The following PTPN12 variants were observed in gnomAD, a reference collection of about 807,000 sequenced individuals.
PTPN12 encodes protein tyrosine phosphatase non-receptor type 12.
A neutral mutation model predicts 97.6 loss-of-function variants in PTPN12; 29 were observed. The observed-to-expected ratio is 0.30, with a 90% CI of 0.22 to 0.41. The LOEUF (loss-of-function observed/expected upper bound fraction) is 0.41, where lower values mean the gene tolerates loss of function less well. PTPN12 is among the 10% of genes least tolerant of loss of function. The pLI is 1.00. For synonymous variants in PTPN12, 327 were observed against 300.4 expected, an observed-to-expected ratio of 1.09 and a Z score of -0.91; for missense variants, 819 against 926.0, an observed-to-expected ratio of 0.88 and a Z score of 1.50.
At chr7:77,556,313 T>G (rs892731788) in intron 1 of PTPN12, among the ~76,000 whole-genome samples, 1 of 152,020 alleles carries the variant, frequency 6.6e-6, no homozygotes, top group African/African-American at 2.4e-5. Flanking sequence ...CCTGCCTACC[T>G]CTGCCTCCCA....
At chr7:77,562,958 CAAAAAAAA>C (rs10650218) in intron 1 of PTPN12, among the ~76,000 whole-genome samples, 7 of 133,212 alleles carry the variant, frequency 5.3e-5, no homozygotes, top group African/African-American at 1.9e-4. Flanking sequence ...CTAGGCTATG[CAAAAAAAA>C]AAAAAGAACA....
In PTPN12 at chr7:77,545,960, T is replaced by G. The variant is rs559894060; in HGVS notation, c.99+8315T>G. Among the ~76,000 whole-genome samples the G allele has an allele frequency of 2.0e-5, 3 of 152,308 alleles. No homozygotes were observed. The East Asian group carries it at 5.8e-4, about 29-fold the overall frequency. On this transcript the variant is annotated intron_variant, in intron 1 of 17. Coordinates refer to ENST00000248594, the MANE Select transcript of PTPN12 (RefSeq NM_002835.4). ...TTTATTTTATTTTTTTGAGACAAAG[T>G]CTTGCTTTGTTGCCAGGCTGGAGTG...
intron 5 of PTPN12, 73 bp downstream of exon 5, chr7:77,585,654 T>G (rs1465820278): frequency 5.2e-6 from 7 of 1,352,160 alleles, no homozygotes; most frequent in Non-Finnish European, 7.3e-6. Flanking sequence ...TATTATAGTC[T>G]TAACATAAGC....
intron 8 of PTPN12, among the ~76,000 whole-genome samples, chr7:77,601,321 G>C (rs1236933712): frequency 6.6e-6 from 1 of 152,050 alleles, no homozygotes; most frequent in Non-Finnish European, 1.5e-5. Context: ...TTCCCAAGTA[G>C]CTAGGACTAC....
At chr7:77,568,160 A>T (rs1808334488) in intron 1 of PTPN12, among the ~76,000 whole-genome samples, 1 of 152,242 alleles carries the variant, frequency 6.6e-6, no homozygotes, top group Non-Finnish European at 1.5e-5. Flanking sequence ...TATAGAAAGC[A>T]TTTTAAGAAA....
intron 7 of PTPN12, among the ~76,000 whole-genome samples, 183 bp downstream of exon 7, chr7:77,598,084 G>T (rs151087828): frequency 2.8e-4 from 43 of 152,168 alleles, no homozygotes; most frequent in African/African-American, 9.6e-4. Flanking sequence ...AAAGTTAGCC[G>T]GGCATGGTGG....
intron 12 of PTPN12, among the ~76,000 whole-genome samples, chr7:77,625,052 T>C (rs913859153): frequency 4.6e-5 from 7 of 152,056 alleles, no homozygotes; most frequent in African/African-American, 1.7e-4. Context: ...CAAGAATTGC[T>C]GGAACCCAGG....
At chr7:77,634,127 T>C (rs1026518354) in intron 14 of PTPN12, among the ~76,000 whole-genome samples, 2 of 151,928 alleles carry the variant, frequency 1.3e-5, no homozygotes, top group Admixed American at 1.3e-4. Context: ...TTGATCCCTG[T>C]AGTTGGAGGC....
At chr7:77,566,393 G>A (rs1282004322) in intron 1 of PTPN12, among the ~76,000 whole-genome samples, 1 of 152,168 alleles carries the variant, frequency 6.6e-6, no homozygotes, top group Non-Finnish European at 1.5e-5. Flanking sequence ...AAGGAGTGCA[G>A]TTATTTTTGG....
chr7:77,593,269 CA>C (rs34709584), intron 6 of PTPN12, among the ~76,000 whole-genome samples: 41,300 of 141,102 alleles, frequency 0.29, 5,657 homozygotes, highest in Middle Eastern at 0.34. Flanking sequence ...AACTCCATCT[CA>C]AAAAAAAAAA....
chr7:77,543,437 T>C (rs1298379712), intron 1 of PTPN12, among the ~76,000 whole-genome samples: 1 of 151,964 alleles, frequency 6.6e-6, no homozygotes, highest in Non-Finnish European at 1.5e-5. Flanking sequence ...GAAGATCTTA[T>C]GTTGCAGTCT....
At chr7:77,540,229 T>C (rs1223976569) in intron 1 of PTPN12, among the ~76,000 whole-genome samples, 1 of 141,502 alleles carries the variant, frequency 7.1e-6, no homozygotes, top group African/African-American at 2.9e-5. Context: ...ATTTCTTTCT[T>C]TCTTTCTTTC....
intron 9 of PTPN12, among the ~76,000 whole-genome samples, chr7:77,610,404 T>G (rs902722956): frequency 4.6e-5 from 7 of 152,230 alleles, no homozygotes; most frequent in African/African-American, 1.7e-4. Flanking sequence ...CCCACATAGA[T>G]TATACATTGA....
At chr7:77,628,162 C>T (rs563718334) in intron 13 of PTPN12, among the ~76,000 whole-genome samples, 1 of 152,290 alleles carries the variant, frequency 6.6e-6, no homozygotes, top group South Asian at 2.1e-4. Flanking sequence ...TTCACAAATG[C>T]TTCCAAATAT....
chr7:77,616,479 A>G (rs1357984352), intron 11 of PTPN12, among the ~76,000 whole-genome samples: 2 of 152,166 alleles, frequency 1.3e-5, no homozygotes, highest in Non-Finnish European at 2.9e-5. Context: ...AGATGTCCAC[A>G]TTGCCTTACC....
At chr7:77,576,078 A>G (rs1787332677) in intron 2 of PTPN12, among the ~76,000 whole-genome samples, 1 of 151,944 alleles carries the variant, frequency 6.6e-6, no homozygotes, top group Non-Finnish European at 1.5e-5. Flanking sequence ...CTGGTCTCGA[A>G]CTCCTGACCT....
intron 1 of PTPN12, among the ~76,000 whole-genome samples, chr7:77,544,676 A>G (rs1019146401): frequency 8.5e-5 from 13 of 152,218 alleles, no homozygotes; most frequent in Non-Finnish European, 1.5e-4. Context: ...CACTGAGTTC[A>G]TTAGATTCAT....
At chr7:77,592,587 G>A (rs1263272855) in intron 6 of PTPN12, among the ~76,000 whole-genome samples, 4 of 152,052 alleles carry the variant, frequency 2.6e-5, no homozygotes, top group Admixed American at 2.6e-4. Flanking sequence ...GATTAAATGG[G>A]AAAGACTTGG....
intron 6 of PTPN12, 191 bp downstream of exon 6, chr7:77,592,447 G>T: frequency 2.2e-6 from 1 of 461,690 alleles, no homozygotes. Flanking sequence ...CTTCATAAAT[G>T]CATATTTTCC....
Sources: allele counts gnomAD v4.1 joint callset (sites outside exome capture counted in the v4.1 genomes callset), GRCh38; gene constraint gnomAD v4.1.1; transcripts MANE v1.5; gene names NCBI Gene and HGNC (gene_info 2026-07-23, HGNC 2026-07-21).